CACNA2D1: variants seen among roughly 807,000 people sequenced by gnomAD.
CACNA2D1 encodes the protein voltage-dependent calcium channel subunit alpha-2/delta-1.
Under a neutral mutation model 171.5 loss-of-function variants are expected in CACNA2D1, and 53 were observed. That is an observed-to-expected ratio of 0.31 (90% CI 0.25 to 0.39). CACNA2D1 has a LOEUF of 0.39. Ranked by LOEUF, CACNA2D1 falls within the 10% of genes least tolerant of loss-of-function variation. The pLI is 1.00. For synonymous variants in CACNA2D1, 442 were observed against 443.1 expected (o/e 1.00, Z 0.03); for missense variants, 903 against 1,299.8 (o/e 0.69, Z 4.69).
chr7:82,255,237 C>T (rs1197384949), intron 3 of CACNA2D1, among the ~76,000 whole-genome samples: 2 of 152,170 alleles, frequency 1.3e-5, no homozygotes, highest in African/African-American at 4.8e-5. Context: ...ACTGCCCCTT[C>T]CCTCTTCCAC....
intron 19 of CACNA2D1, among the ~76,000 whole-genome samples, chr7:81,995,763 C>T (rs148053860): frequency 0.015 from 2,210 of 145,820 alleles, 25 homozygotes; most frequent in African/African-American, 0.035. Context: ...TGCGCCACTG[C>T]ACTCCAGCCT....
intron 1 of CACNA2D1, among the ~76,000 whole-genome samples, chr7:82,410,908 T>C (rs1336676557): frequency 2.0e-5 from 3 of 152,248 alleles, no homozygotes; most frequent in Non-Finnish European, 4.4e-5. Flanking sequence ...CTTTCGAGAC[T>C]GCCCTCTCTC....
At chr7:82,332,910 G>A (rs1466620944) in intron 3 of CACNA2D1, among the ~76,000 whole-genome samples, 2 of 152,228 alleles carry the variant, frequency 1.3e-5, no homozygotes, top group South Asian at 2.1e-4. Context: ...GAGGTGGGAG[G>A]GCTGCTTGAG....
At chr7:82,389,065 G>A (rs184449348) in intron 1 of CACNA2D1, among the ~76,000 whole-genome samples, 69 of 150,970 alleles carry the variant, frequency 4.6e-4, no homozygotes, top group South Asian at 1.9e-3. Context: ...GCAGTGAGCC[G>A]AGATGCCGCC....
chr7:82,241,651 G>A (rs138025962), intron 3 of CACNA2D1, among the ~76,000 whole-genome samples: 4 of 152,112 alleles, frequency 2.6e-5, no homozygotes, highest in Admixed American at 6.5e-5. Context: ...AGAAGCAGAG[G>A]GGGGAGGAAG....
intron 1 of CACNA2D1, among the ~76,000 whole-genome samples, chr7:82,368,048 A>G (rs1415380316): frequency 6.6e-6 from 1 of 152,150 alleles, no homozygotes; most frequent in Non-Finnish European, 1.5e-5. Context: ...TAGCAACCTC[A>G]ATGTAATCAA....
chr7:81,987,086 T>C (rs1797048705), intron 21 of CACNA2D1, among the ~76,000 whole-genome samples: 1 of 152,122 alleles, frequency 6.6e-6, no homozygotes, highest in Admixed American at 6.5e-5. Flanking sequence ...AAAAGAGAAG[T>C]TTTAAAACTA....
At chr7:81,955,974 ATATATATTTTTTTTTTTT>A (rs1467060443) in intron 38 of CACNA2D1, among the ~76,000 whole-genome samples, 39 of 71,344 alleles carry the variant, frequency 5.5e-4, no homozygotes, top group African/African-American at 2.3e-3. Flanking sequence ...ATATATATAT[ATATATATTTTTTTTTTTT>A]TTTTTTTTTT....
At chr7:82,344,699 TA>T (rs566558237) in intron 2 of CACNA2D1, among the ~76,000 whole-genome samples, 4 of 152,144 alleles carry the variant, frequency 2.6e-5, no homozygotes, top group Admixed American at 6.6e-5. Flanking sequence ...GCAGTCAAAA[TA>T]GATTTCTTTC....
intron 3 of CACNA2D1, among the ~76,000 whole-genome samples, chr7:82,297,185 A>C (rs114089004): frequency 6.6e-6 from 1 of 151,764 alleles, no homozygotes; most frequent in Non-Finnish European, 1.5e-5. Flanking sequence ...CAGGAGGCTG[A>C]GGCTGCAGTG....
intron 3 of CACNA2D1, among the ~76,000 whole-genome samples, chr7:82,237,192 TA>T (rs1359903192): frequency 1.3e-5 from 2 of 151,744 alleles, no homozygotes; most frequent in East Asian, 1.9e-4. Flanking sequence ...TTCTAAATTC[TA>T]AAAAAAATTT....
intron 21 of CACNA2D1, 101 bp from the exon 22 acceptor site, chr7:81,984,812 CT>C: frequency 2.8e-6 from 2 of 719,690 alleles, no homozygotes; most frequent in Non-Finnish European, 5.0e-6. Context: ...AAAGATCTTC[CT>C]CATGGGAAGG....
intron 38 of CACNA2D1, 60 bp downstream of exon 38, chr7:81,959,215 T>C: frequency 8.3e-7 from 1 of 1,204,140 alleles, no homozygotes; most frequent in Middle Eastern, 1.9e-4. Flanking sequence ...TATCCTTGAA[T>C]TCTTGCGGAC....
At chr7:82,161,395 G>C (rs902819668) in intron 4 of CACNA2D1, among the ~76,000 whole-genome samples, 2 of 152,036 alleles carry the variant, frequency 1.3e-5, no homozygotes, top group African/African-American at 4.8e-5. Flanking sequence ...AAGAATAGTG[G>C]AGTGGATTCC....
rs1803556473 is a variant in CACNA2D1 at position 82,038,356 on chromosome 7, G to C, written c.880-121C>G. On this transcript the variant is annotated intron_variant, in intron 10 of 38. Transcript: ENST00000356860. ...ATTGCTTACTCTTTCAAATGGAAAA[G>C]TGAGTAGGCTGGTGACAAAGGTGCA... 8.3e-6 allele frequency: 7 copies of C among 841,096 alleles called. No homozygotes were observed. In the Admixed American group the frequency reaches 1.2e-4, roughly 15 times the overall value. The allele number at this position is 841,096 out of a possible 1,614,324, so 52.1% of individuals were successfully genotyped here.
At chr7:82,021,773 A>G (rs1801239945) in intron 12 of CACNA2D1, among the ~76,000 whole-genome samples, 1 of 152,068 alleles carries the variant, frequency 6.6e-6, no homozygotes, top group South Asian at 2.1e-4. Context: ...GCTGAAATAG[A>G]GAATGATAAA....
At position 81,950,244 on chromosome 7, in the gene CACNA2D1, G is replaced by T; in HGVS notation, c.*148C>A. The T allele has an allele frequency of 7.1e-7, 1 of 1,415,984 alleles. No individual in the cohort carries two copies. The highest frequency in any genetic ancestry group is 2.3e-5 in the East Asian group (1 of 43,314). The allele number at this position is 1,415,984 out of a possible 1,614,324, so 87.7% of individuals were successfully genotyped here. A position where few individuals can be genotyped will look rare whatever the true frequency, so the allele number is the denominator to read the frequency against. ...GACATGCAGCCAGTGGGTGCCTTAGGAGTCTGCGCCTTAGTGTTATGCCAT... is the reference window on the plus strand; with the variant it reads ...GACATGCAGCCAGTGGGTGCCTTAGTAGTCTGCGCCTTAGTGTTATGCCAT... On this transcript the variant is annotated 3_prime_UTR_variant, in exon 39 of 39. Transcript: ENST00000356860.
intron 6 of CACNA2D1, among the ~76,000 whole-genome samples, chr7:82,114,453 A>G (rs1415090123): frequency 6.6e-6 from 1 of 152,090 alleles, no homozygotes; most frequent in Non-Finnish European, 1.5e-5. Flanking sequence ...AGAGAACATT[A>G]AAGTAAAGAG....
intron 6 of CACNA2D1, among the ~76,000 whole-genome samples, chr7:82,104,771 T>G (rs1402413112): frequency 2.6e-5 from 4 of 152,012 alleles, no homozygotes; most frequent in African/African-American, 2.4e-5. Context: ...ATGTGAAAAT[T>G]TTAACAGTAC....
Sources: gnomAD v4.1 joint callset for allele counts (sites outside exome capture counted in the v4.1 genomes callset) on GRCh38, gnomAD v4.1.1 for gene constraint, MANE v1.5 for transcripts, NCBI Gene and HGNC (gene_info 2026-07-23, HGNC 2026-07-21) for gene names.